SMAP1: variants seen among roughly 807,000 people sequenced by gnomAD.
SMAP1 encodes the protein stromal membrane-associated protein 1.
SMAP1 carries 24 observed loss-of-function variants against 58.5 expected under a neutral mutation model. The observed-to-expected ratio is 0.41, with a 90% CI of 0.30 to 0.58. The LOEUF is 0.58. SMAP1 is among the 20% of genes least tolerant of loss of function. The pLI is 0.29. For missense variants in SMAP1, 563 were observed against 566.3 expected (o/e 0.99, Z 0.06); for synonymous variants, 216 against 196.6 (o/e 1.10, Z -0.82).
rs1771719590 is a variant in SMAP1, at chr6:70,861,372, C to G, written c.*1038C>G. On this transcript the variant is annotated 3_prime_UTR_variant, in exon 11 of 11. Coordinates refer to ENST00000370455, the MANE Select transcript of SMAP1 (RefSeq NM_001044305.3). ...TGGAGAAAAAGAAAAAATATATACTCAAGAGTGGTATCTTGCAGTATCGGC... is the reference window on the plus strand; with the variant it reads ...TGGAGAAAAAGAAAAAATATATACTGAAGAGTGGTATCTTGCAGTATCGGC... 3.1e-6 allele frequency: 1 copy of G among 325,470 alleles called. No individual in the cohort carries two copies. Among genetic ancestry groups the G allele is most frequent in the Non-Finnish European group, 5.7e-6 (1 of 175,310 alleles). The allele number at this position is 325,470 out of a possible 1,614,324, so 20.2% of individuals were successfully genotyped here. A position where few individuals can be genotyped will look rare whatever the true frequency, so the allele number is the denominator to read the frequency against.
At chr6:70,679,367 G>A (rs1468515511) in intron 1 of SMAP1, among the ~76,000 whole-genome samples, 1 of 152,134 alleles carries the variant, frequency 6.6e-6, no homozygotes, top group Non-Finnish European at 1.5e-5. Context: ...ATTTAAGATG[G>A]TATGGGATGA....
chr6:70,712,917 G>A (rs1376467017), intron 1 of SMAP1, among the ~76,000 whole-genome samples: 3 of 150,636 alleles, frequency 2.0e-5, no homozygotes, highest in Non-Finnish European at 4.4e-5. Context: ...TCAGCCTCCT[G>A]AGTAGCTGAG....
At chr6:70,770,780 C>A (rs747432541) in intron 3 of SMAP1, among the ~76,000 whole-genome samples, 2 of 152,134 alleles carry the variant, frequency 1.3e-5, no homozygotes, top group African/African-American at 2.4e-5. Flanking sequence ...ACCATTGTTC[C>A]GTTGCTGATG....
chr6:70,739,454 A>T (rs1765733385), intron 2 of SMAP1, among the ~76,000 whole-genome samples: 2 of 152,180 alleles, frequency 1.3e-5, no homozygotes, highest in Non-Finnish European at 2.9e-5. Flanking sequence ...TTTTATGCAT[A>T]CACTAGTACC....
In SMAP1 at chr6:70,837,134, T is replaced by G. The variant is rs1367549966; in HGVS notation, c.664+106T>G. ...TCTTGAGTATGCCAAAACGTACCTGTTAACTGAATTTGAAAATGGTATGAT... is the reference window on the plus strand; with the variant it reads ...TCTTGAGTATGCCAAAACGTACCTGGTAACTGAATTTGAAAATGGTATGAT... On this transcript the variant is annotated intron_variant, in intron 7 of 10. Coordinates refer to ENST00000370455, the MANE Select transcript of SMAP1 (RefSeq NM_001044305.3). 8 of 714,526 alleles carry G rather than the reference T, an allele frequency of 1.1e-5. No homozygotes were observed. In the Admixed American group the frequency reaches 2.3e-4, roughly 20 times the overall value. 44.3% of individuals were successfully genotyped at this position (714,526 alleles called of 1,614,324 possible). A position where few individuals can be genotyped will look rare whatever the true frequency, so the allele number is the denominator to read the frequency against.
chr6:70,755,037 G>A lies in SMAP1; in HGVS notation c.310G>A (p.Glu104Lys). Residue 104 changes from glutamate to lysine, a missense_variant, in exon 3 of 11, where the codon GAG becomes AAG. Around this residue, in one of 3 missense-constraint regions of SMAP1, gnomAD observed 494 missense variants for 473.8 expected, o/e 1.04. Coordinates refer to ENST00000370455, the MANE Select transcript of SMAP1 (RefSeq NM_001044305.3). ...ARLLYEANLP[E>K]NFRRPQTDQA... is the part of the protein sequence containing the mutation. ...ACTACTCTATGAAGCCAATCTTCCAGAGAACTTTCGAAGACCACAGACAGA... is the reference window on the plus strand; with the variant it reads ...ACTACTCTATGAAGCCAATCTTCCAAAGAACTTTCGAAGACCACAGACAGA... The A allele has an allele frequency of 3.1e-6, 5 of 1,610,572 alleles. No individual in the cohort carries two copies. Among genetic ancestry groups the A allele is most frequent in the Non-Finnish European group, 4.2e-6 (5 of 1,177,536 alleles).
intron 2 of SMAP1, among the ~76,000 whole-genome samples, chr6:70,746,990 A>G (rs181397051): frequency 1.4e-4 from 22 of 152,320 alleles, no homozygotes; most frequent in Admixed American, 1.3e-3. Flanking sequence ...GAATACATGT[A>G]TGTATCAGTC....
intron 1 of SMAP1, among the ~76,000 whole-genome samples, chr6:70,713,120 C>G (rs373921053): frequency 2.6e-5 from 4 of 152,194 alleles, no homozygotes; most frequent in South Asian, 4.1e-4. Context: ...TCAGAGACAT[C>G]CTTTGTAATG....
At chr6:70,721,397 A>G (rs1315094969) in intron 1 of SMAP1, among the ~76,000 whole-genome samples, 3 of 152,160 alleles carry the variant, frequency 2.0e-5, no homozygotes, top group Non-Finnish European at 4.4e-5. Flanking sequence ...CAAGTTCCTC[A>G]TCTCCATCTG....
chr6:70,740,936 A>T (rs1457602508), intron 2 of SMAP1, among the ~76,000 whole-genome samples: 1 of 152,230 alleles, frequency 6.6e-6, no homozygotes, highest in Non-Finnish European at 1.5e-5. Context: ...GTTTCCCCTT[A>T]TAAAACCATT....
At chr6:70,668,339 A>T (rs1332532321) in intron 1 of SMAP1, among the ~76,000 whole-genome samples, 198 bp downstream of exon 1, 1 of 152,100 alleles carries the variant, frequency 6.6e-6, no homozygotes, top group African/African-American at 2.4e-5. Flanking sequence ...CGGCGAGGTC[A>T]GGCCCGCAGG....
At chr6:70,830,634 T>C (rs999386951) in intron 6 of SMAP1, among the ~76,000 whole-genome samples, 4 of 152,228 alleles carry the variant, frequency 2.6e-5, no homozygotes, top group Admixed American at 1.3e-4. Flanking sequence ...AATGACTTCT[T>C]ATGTTATAGG....
intron 3 of SMAP1, among the ~76,000 whole-genome samples, chr6:70,770,952 A>T (rs1299502853): frequency 6.6e-6 from 1 of 152,068 alleles, no homozygotes; most frequent in Non-Finnish European, 1.5e-5. Flanking sequence ...TCTGTTTGTT[A>T]GTTTTCCTTC....
chr6:70,714,150 A>G (rs946053021), intron 1 of SMAP1, among the ~76,000 whole-genome samples: 10 of 152,268 alleles, frequency 6.6e-5, no homozygotes, highest in African/African-American at 2.4e-4. Flanking sequence ...TCTTGTAGAC[A>G]ATGTATAGTT....
chr6:70,788,432 C>G (rs1377918248), intron 4 of SMAP1, among the ~76,000 whole-genome samples: 1 of 151,698 alleles, frequency 6.6e-6, no homozygotes, highest in African/African-American at 2.4e-5. Context: ...CGCATGTACC[C>G]TACAACTTAA....
At chr6:70,773,029 G>A (rs1767395006) in intron 3 of SMAP1, 1 of 255,432 alleles carries the variant, frequency 3.9e-6, no homozygotes, top group Non-Finnish European at 7.4e-6. Flanking sequence ...AACCCCAAAT[G>A]AACCTGAATT....
chr6:70,798,603 A>C, intron 5 of SMAP1, 54 bp from the exon 6 acceptor site: 1 of 1,423,226 alleles, frequency 7.0e-7, no homozygotes, highest in Non-Finnish European at 9.4e-7. Context: ...GATGAGTCAA[A>C]AATTGCCATT....
At chr6:70,806,516 A>G (rs930273209) in intron 6 of SMAP1, among the ~76,000 whole-genome samples, 2 of 152,072 alleles carry the variant, frequency 1.3e-5, no homozygotes, top group East Asian at 1.9e-4. Flanking sequence ...TGCACCCACT[A>G]TCCAACCAGT....
chr6:70,855,604 A>G (rs560898847), intron 8 of SMAP1, among the ~76,000 whole-genome samples: 1 of 152,326 alleles, frequency 6.6e-6, no homozygotes, highest in African/African-American at 2.4e-5. Context: ...AACACCAAGT[A>G]CTTAATCCAA....
Sources: gnomAD v4.1 joint callset for allele counts (sites outside exome capture counted in the v4.1 genomes callset) on GRCh38, gnomAD v4.1.1 for gene constraint, gnomAD v4.1.1 regional missense constraint, MANE v1.5 for transcripts, NCBI Gene and HGNC (gene_info 2026-07-23, HGNC 2026-07-21) for gene names.